ZNF208: variants seen among roughly 807,000 people sequenced by gnomAD.
ZNF208 encodes zinc finger protein 208, also known as zinc finger protein 95.
ZNF208 carries 10 observed loss-of-function variants against 12.1 expected under a neutral mutation model. The observed-to-expected ratio is 0.83, with a 90% CI of 0.51 to 1.40. ZNF208 has a LOEUF of 1.40. Among genes scored for constraint, ZNF208 ranks in the 40% most tolerant of loss-of-function variants. The probability of loss-of-function intolerance (pLI) is 0.00; values close to 1 mark genes in which losing one functional copy is unlikely to be tolerated. For missense variants in ZNF208, 1,652 were observed against 1,485.0 expected (o/e 1.11, Z -1.85); for synonymous variants, 497 against 488.4 (o/e 1.02, Z -0.23).
Position 21,972,729 on chromosome 19 carries a change from T to G in ZNF208, c.2305A>C (p.Lys769Gln), listed in dbSNP as rs763897049. 2.3e-5 allele frequency: 36 copies of G among 1,587,294 alleles called. 1 individual carries two copies. The South Asian group carries it at 4.1e-4, about 18-fold the overall frequency. ...TAGGGTTTCTCTACAGTATGAATTT[T>G]CTTATGATAACTAAGGGTTGAGGAC... ...KWSSTLSYHKKIHTVEKPYKC... is the reference protein window; with the variant it reads ...KWSSTLSYHKQIHTVEKPYKC... Residue 769 changes from lysine to glutamine, a missense_variant, in exon 4 of 4, where the codon AAA becomes CAA. Physicochemically the swap from Lys to Gln is moderately conservative, Grantham distance 53. Transcript: ENST00000397126.
chr19:21,983,248 G>GA (rs1477634151), intron 3 of ZNF208, among the ~76,000 whole-genome samples: 2 of 151,928 alleles, frequency 1.3e-5, no homozygotes, highest in African/African-American at 2.4e-5. Flanking sequence ...ACAAACATAT[G>GA]AAAAAAAGCA....
At chr19:22,007,183 A>ATTTG (rs1375223738) in intron 1 of ZNF208, among the ~76,000 whole-genome samples, 1 of 152,134 alleles carries the variant, frequency 6.6e-6, no homozygotes, top group Non-Finnish European at 1.5e-5. Context: ...CTAACATTCT[A>ATTTG]AAAGCTAGAT....
At position 21,966,478 on chromosome 19, in the gene ZNF208, AG is replaced by A. The variant is rs1182097740; in HGVS notation, c.*4712del. On this transcript the variant is annotated 3_prime_UTR_variant, in exon 4 of 4. Transcript: ENST00000397126. ...GCTGCATAGTATTGGAGGTTGTATA[AG>A]TACATCATTTTTCTTATCCAATAAA... is the stretch of plus-strand genomic sequence containing the variant. 2 of 152,150 alleles carry A rather than the reference AG, an allele frequency of 1.3e-5. No homozygotes were observed. Among genetic ancestry groups the A allele is most frequent in the Non-Finnish European group, 2.9e-5 (2 of 68,018 alleles). 9.4% of individuals were successfully genotyped at this position (152,150 alleles called of 1,614,324 possible).
rs751973755 is a variant in ZNF208, at chr19:21,974,579, T to C, written c.455A>G (p.Asn152Ser). The change falls in exon 4 of 4, where the codon AAT becomes AGT. Residue 152 changes from asparagine to serine, a missense_variant. Around this residue, in one of 3 missense-constraint regions of ZNF208, gnomAD observed 410 missense variants for 378.2 expected, o/e 1.08. Coordinates refer to ENST00000397126, the MANE Select transcript of ZNF208 (RefSeq NM_007153.3). ...TGAATTTGAACATTTATGAAAGACA[T>C]TTGCATATTTGCCACGTTGAAATAC... ...SKVFQRGKYA[N>S]VFHKCSNSNR... is the part of the protein sequence containing the mutation. The C allele has an allele frequency of 6.2e-7, 1 of 1,613,720 alleles. No homozygotes were observed. Among genetic ancestry groups the C allele is most frequent in the East Asian group, 2.2e-5 (1 of 44,820 alleles).
rs1310880850 is a variant in ZNF208, at chr19:21,973,720, T to C, written c.1314A>G (p.Ser438=). 2.5e-6 allele frequency: 4 copies of C among 1,610,760 alleles called. No individual in the cohort carries two copies. The African/African-American group carries it at 5.3e-5, about 22-fold the overall frequency. Residue 438 remains serine (S), a synonymous_variant, in exon 4 of 4, where the codon TCA becomes TCG. Transcript: ENST00000397126. ...EECGKAFNWS[S]NLMEHKKIHT... ...GAATTTTCTTATGTTCCATAAGGTT[T>C]GAGGACCAGTTGAAAGCTTTGCCAC...
chr19:22,006,810 T>C (rs1367592858), intron 1 of ZNF208, among the ~76,000 whole-genome samples: 1 of 152,226 alleles, frequency 6.6e-6, no homozygotes, highest in South Asian at 2.1e-4. Flanking sequence ...AGTGTTCATA[T>C]AAGAAAATTT....
rs1378085623 is a variant in ZNF208 at position 21,971,378 on chromosome 19, T to C, written c.3656A>G (p.His1219Arg). The C allele has an allele frequency of 6.2e-7, 1 of 1,610,068 alleles. No individual in the cohort carries two copies. The highest frequency in any genetic ancestry group is 8.5e-7 in the Non-Finnish European group (1 of 1,179,404). The change falls in exon 4 of 4, where the codon CAT becomes CGT. Residue 1219 changes from histidine to arginine, a missense_variant. By Grantham distance (29) the His-to-Arg change is conservative. Around this residue, in one of 3 missense-constraint regions of ZNF208, gnomAD observed 1,239 missense variants for 1,086.2 expected, o/e 1.14. Transcript: ENST00000397126. Reference sequence around the variant, plus strand: ...ACATTTGTAGGGTTTCTCTCCAGTATGAATTTTCTTGTGATATCTAAGGGT... The same window carrying C: ...ACATTTGTAGGGTTTCTCTCCAGTACGAATTTTCTTGTGATATCTAAGGGT... ...PSTLRYHKKIHTGEKPYKCEE... is the reference protein window; with the variant it reads ...PSTLRYHKKIRTGEKPYKCEE...
At chr19:21,961,444 C>T (rs531219527), downstream of ZNF208, among the ~76,000 whole-genome samples, 28 of 152,156 alleles carry the variant, frequency 1.8e-4, no homozygotes, top group Non-Finnish European at 1.5e-5. Context: ...ATTAGCATTA[C>T]TGATGAGGGT....
intron 4 of ZNF208, among the ~76,000 whole-genome samples, chr19:21,942,651 T>A (rs1969759527): frequency 6.6e-6 from 1 of 152,274 alleles, no homozygotes; most frequent in Non-Finnish European, 1.5e-5. Flanking sequence ...TCTTTCTTTC[T>A]TTTCTTTCTT....
chr19:21,974,287 T>G lies in ZNF208; in HGVS notation c.747A>C (p.Val249=), dbSNP rs1970381456. ...TGTAGGATTTCTCTCCAGTATGAAT[T>G]ACCTTATGTTTAGTAAGGATTGAGA... ...SKFSILTKHK[V]IHTGEKSYKC... Residue 249 remains valine (V), a synonymous_variant, in exon 4 of 4, where the codon GTA becomes GTC. Coordinates refer to ENST00000397126, the MANE Select transcript of ZNF208 (RefSeq NM_007153.3). The G allele has an allele frequency of 4.3e-6, 7 of 1,613,394 alleles. No individual in the cohort carries two copies. In the Middle Eastern group the frequency reaches 4.9e-4, roughly 114 times the overall value.
downstream of ZNF208, among the ~76,000 whole-genome samples, chr19:21,965,523 AAATT>A (rs1970148036): frequency 6.6e-6 from 1 of 152,070 alleles, no homozygotes; most frequent in Non-Finnish European, 1.5e-5. Flanking sequence ...TTTCATATGG[AAATT>A]AATAAAGAAA....
In ZNF208 at chr19:21,972,167, G is replaced by A; in HGVS notation, c.2867C>T (p.Ser956Leu). Residue 956 changes from serine (S) to leucine (L), a missense_variant, in exon 4 of 4, where the codon TCA becomes TTA. Ser to Leu is a moderately radical substitution (Grantham distance 145). Coordinates refer to ENST00000397126, the MANE Select transcript of ZNF208 (RefSeq NM_007153.3). ...CTTATGATAACTAAGGGTTGAGGAT[G>A]ACTTATAGGCTTTGCCACATGCTTC... ...KCEACGKAYK[S>L]SSTLSYHKKI... 6.2e-7 allele frequency: 1 copy of A among 1,607,132 alleles called. No individual in the cohort carries two copies. The highest frequency in any genetic ancestry group is 8.5e-7 in the Non-Finnish European group (1 of 1,177,028).
At chr19:22,001,817 T>C (rs1473083024) in intron 1 of ZNF208, among the ~76,000 whole-genome samples, 1 of 137,892 alleles carries the variant, frequency 7.3e-6, no homozygotes, top group Non-Finnish European at 1.5e-5. Context: ...CACTTGAACC[T>C]GGGAGGCAGA....
At chr19:21,953,068 G>A (rs1969917690) in intron 4 of ZNF208, among the ~76,000 whole-genome samples, 1 of 152,206 alleles carries the variant, frequency 6.6e-6, no homozygotes, top group Non-Finnish European at 1.5e-5. Flanking sequence ...GGGTACCAGT[G>A]ATTGAAGATC....
intron 1 of ZNF208, among the ~76,000 whole-genome samples, chr19:22,007,178 A>G (rs369336881): frequency 2.6e-5 from 4 of 152,244 alleles, no homozygotes; most frequent in East Asian, 3.9e-4. Flanking sequence ...AGTAGCTAAC[A>G]TTCTAAAAGC....
At chr19:21,986,755 A>T (rs1599624063) in intron 3 of ZNF208, 1 of 320,588 alleles carries the variant, frequency 3.1e-6, no homozygotes, top group Non-Finnish European at 5.6e-6. Context: ...CTATATTTCA[A>T]GACTACAGTA....
chr19:21,986,233 T>G (rs940104609), intron 3 of ZNF208, among the ~76,000 whole-genome samples: 10 of 152,308 alleles, frequency 6.6e-5, no homozygotes, highest in African/African-American at 2.4e-4. Context: ...AAGTAAAACA[T>G]TGCTGTTTGT....
chr19:21,991,849 T>C (rs1344379978), intron 1 of ZNF208: 1 of 152,124 alleles, frequency 6.6e-6, no homozygotes, highest in Non-Finnish European at 1.5e-5. Context: ...ATCACTCAAA[T>C]TTTAATGTGT....
In ZNF208 at chr19:21,972,698, C is replaced by T. The variant is rs748528244; in HGVS notation, c.2336G>A (p.Cys779Tyr). The change falls in exon 4 of 4, where the codon TGT becomes TAT. Residue 779 changes from cysteine to tyrosine, a missense_variant. Physicochemically the swap from Cys to Tyr is radical, Grantham distance 194. Around this residue, in one of 3 missense-constraint regions of ZNF208, gnomAD observed 1,239 missense variants for 1,086.2 expected, o/e 1.14. Coordinates refer to ENST00000397126, the MANE Select transcript of ZNF208 (RefSeq NM_007153.3). ...GTTAAAAGCTTTGCCACATTCTTCA[C>T]ATTTGTAGGGTTTCTCTACAGTATG... Reference protein sequence around the residue: ...KIHTVEKPYKCEECGKAFNRS... With the variant: ...KIHTVEKPYKYEECGKAFNRS... 11 of 1,591,206 alleles carry T rather than the reference C, an allele frequency of 6.9e-6. No individual in the cohort carries two copies. The African/African-American group carries it at 1.5e-4, about 22-fold the overall frequency.
Sources: gnomAD v4.1 joint callset for allele counts (sites outside exome capture counted in the v4.1 genomes callset) on GRCh38, gnomAD v4.1.1 for gene constraint, gnomAD v4.1.1 regional missense constraint, MANE v1.5 for transcripts, NCBI Gene and HGNC (gene_info 2026-07-23, HGNC 2026-07-21) for gene names.